NOTCH3: variants seen among roughly 807,000 people sequenced by gnomAD.
NOTCH3 encodes neurogenic locus notch homolog protein 3.
Under a neutral mutation model 213.3 loss-of-function variants are expected in NOTCH3, and 86 were observed. The ratio of observed to expected loss-of-function variants is 0.40; its 90% CI spans 0.34 to 0.48. The LOEUF is 0.48. NOTCH3 is among the 20% of genes least tolerant of loss of function. The pLI, the probability that NOTCH3 is intolerant of heterozygous loss-of-function variation, is 0.57. For missense variants in NOTCH3, 2,783 were observed against 3,272.6 expected (o/e 0.85, Z 3.65); for synonymous variants, 1,354 against 1,355.9 (o/e 1.00, Z 0.03).
chr19:15,186,375 TTGTATG>T lies in NOTCH3; in HGVS notation c.1951+497_1951+502del, dbSNP rs1294134155. 4.0e-3 allele frequency among the ~76,000 whole-genome samples: 496 copies of T among 123,314 alleles called. 1 individual carries two copies. Among genetic ancestry groups the T allele is most frequent in the East Asian group, 0.011 (50 of 4,366 alleles). The allele number at this position is 123,314 out of a possible 152,430, so 80.9% of individuals were successfully genotyped here. A position where few individuals can be genotyped will look rare whatever the true frequency, so the allele number is the denominator to read the frequency against. ...TCCAGAATAATCTTTTTGTTTGTTT[TTGTATG>T]TGTGTGTGTGTGTGTGTGTGTGTGT... On this transcript the variant is annotated intron_variant, in intron 12 of 32. Coordinates refer to ENST00000263388, the MANE Select transcript of NOTCH3 (RefSeq NM_000435.3).
At position 15,160,221 on chromosome 19, in the gene NOTCH3, G is replaced by A. The variant is rs2046628127; in HGVS notation, c.*441C>T. The A allele has an allele frequency of 4.1e-6, 1 of 241,644 alleles. No individual in the cohort carries two copies. The highest frequency in any genetic ancestry group is 2.2e-5 in the African/African-American group (1 of 45,342). 15.0% of individuals were successfully genotyped at this position (241,644 alleles called of 1,614,324 possible). On this transcript the variant is annotated 3_prime_UTR_variant, in exon 33 of 33. Coordinates refer to ENST00000263388, the MANE Select transcript of NOTCH3 (RefSeq NM_000435.3). ...CCACGGGGGCACTGGGGGGTTCACA[G>A]GGGGAGGGAGCATCTCCATATATAT...
At chr19:15,162,824 G>A (rs980180200) in intron 31 of NOTCH3, among the ~76,000 whole-genome samples, 5 of 151,660 alleles carry the variant, frequency 3.3e-5, no homozygotes, top group African/African-American at 1.2e-4. Flanking sequence ...TATACACAGG[G>A]GGTGCTGTGT....
At position 15,181,814 on chromosome 19, in the gene NOTCH3, G is replaced by C; in HGVS notation, c.2567-13C>G. On this transcript the variant is annotated splice_polypyrimidine_tract_variant and intron_variant, in intron 16 of 32. Transcript: ENST00000263388. The stretch of plus-strand genomic sequence containing the variant: ...TTCAGGCATGGGTCTGCGGACAGGA[G>C]GAAGGCGGTCTGGTCACCTACCTTG... The C allele has an allele frequency of 6.5e-7, 1 of 1,549,486 alleles. No individual in the cohort carries two copies. Among genetic ancestry groups the C allele is most frequent in the Middle Eastern group, 1.7e-4 (1 of 5,994 alleles).
At chr19:15,175,707 AG>A (rs2046784745) in intron 24 of NOTCH3, among the ~76,000 whole-genome samples, 1 of 151,012 alleles carries the variant, frequency 6.6e-6, no homozygotes, top group Non-Finnish European at 1.5e-5. Flanking sequence ...GTGCTCACTG[AG>A]AAGGTACCAC....
intron 1 of NOTCH3, among the ~76,000 whole-genome samples, chr19:15,200,004 G>A (rs938089022): frequency 6.6e-6 from 1 of 151,850 alleles, no homozygotes; most frequent in African/African-American, 2.4e-5. Flanking sequence ...GTGTCTAGAC[G>A]GCGCGGCCAT....
Position 15,180,952 on chromosome 19 carries a change from T to G in NOTCH3, c.2994+9A>C, listed in dbSNP as rs768762195. ...GCTCCTCCCCCAGGTCCCCAGTAAC[T>G]CCACCCACCTGGCACTGCGGGCCCG... On this transcript the variant is annotated intron_variant, in intron 18 of 32. Transcript: ENST00000263388. The G allele has an allele frequency of 1.3e-6, 2 of 1,587,646 alleles. No individual in the cohort carries two copies. Among genetic ancestry groups the G allele is most frequent in the East Asian group, 4.6e-5 (2 of 43,346 alleles).
intron 2 of NOTCH3, among the ~76,000 whole-genome samples, chr19:15,193,535 G>A (rs1010345878): frequency 2.0e-5 from 3 of 152,014 alleles, no homozygotes; most frequent in Non-Finnish European, 4.4e-5. Context: ...GGGAGGTCAA[G>A]ACAGGATAAT....
In NOTCH3 at chr19:15,185,577, G is replaced by A. The variant is rs768867865; in HGVS notation, c.2054C>T (p.Pro685Leu). 45 of 1,613,578 alleles carry A rather than the reference G, an allele frequency of 2.8e-5. No individual in the cohort carries two copies. Among genetic ancestry groups the A allele is most frequent in the Non-Finnish European group, 3.6e-5 (42 of 1,180,008 alleles). ...GAGGCAGAGTGGGGGCAAGGAGCCAGGCGGGCAGAGGCAGCGGAAGCCATT... is the reference window on the plus strand; with the variant it reads ...GAGGCAGAGTGGGGGCAAGGAGCCAAGCGGGCAGAGGCAGCGGAAGCCATT... ...GENGFRCLCPPGSLPPLCLPP... is the reference protein window; with the variant it reads ...GENGFRCLCPLGSLPPLCLPP... The change falls in exon 13 of 33, where the codon CCT becomes CTT. Residue 685 changes from proline to leucine, a missense_variant. Pro to Leu is a moderately conservative substitution (Grantham distance 98). Transcript: ENST00000263388. The surrounding 1 kb of genome is among the most constrained non-coding windows in gnomAD (Gnocchi z 4.2).
chr19:15,170,197 T>C, intron 27 of NOTCH3, 27 bp from the exon 28 acceptor site: 1 of 1,559,190 alleles, frequency 6.4e-7, no homozygotes, highest in Non-Finnish European at 8.8e-7. Flanking sequence ...AGAGGGGATG[T>C]GAGGGGGACA....
chr19:15,167,028 T>C (rs1380140380), intron 29 of NOTCH3, among the ~76,000 whole-genome samples: 1 of 152,190 alleles, frequency 6.6e-6, no homozygotes, highest in Non-Finnish European at 1.5e-5. Flanking sequence ...TGGATCCAAA[T>C]GTGCCACTTT....
intron 7 of NOTCH3, 30 bp from the exon 8 acceptor site, chr19:15,189,204 G>A (rs750664755): frequency 9.9e-6 from 16 of 1,613,070 alleles, no homozygotes; most frequent in African/African-American, 1.3e-5. Context: ...CGGTGTGGGC[G>A]TGGCTGGCCG....
intron 16 of NOTCH3, among the ~76,000 whole-genome samples, chr19:15,183,411 C>G (rs57188471): frequency 5.8e-5 from 1 of 17,158 alleles, no homozygotes; most frequent in Admixed American, 3.7e-4. Flanking sequence ...TTTGTTTGTT[C>G]GTTTTTGAGA....
chr19:15,177,718 C>T lies in NOTCH3; in HGVS notation c.4210G>A (p.Glu1404Lys), dbSNP rs1356717333. ...CAGCCGCAGCCTGGGCTGTTGCACT[C>T]GCGGTCGCAGCGCTGGTCCCCGCGC... ...AKRGDQRCDR[E>K]CNSPGCGWDG... is the part of the protein sequence containing the mutation. The change falls in exon 24 of 33, where the codon GAG becomes AAG. Residue 1404 changes from glutamate to lysine, a missense_variant. Around this residue, in one of 6 missense-constraint regions of NOTCH3, gnomAD observed 133 missense variants for 201.9 expected, o/e 0.66. Coordinates refer to ENST00000263388, the MANE Select transcript of NOTCH3 (RefSeq NM_000435.3). 1.3e-6 allele frequency: 2 copies of T among 1,532,256 alleles called. No individual in the cohort carries two copies. The highest frequency in any genetic ancestry group is 1.7e-6 in the Non-Finnish European group (2 of 1,146,024). 94.9% of individuals were successfully genotyped at this position (1,532,256 alleles called of 1,614,324 possible).
intron 2 of NOTCH3, among the ~76,000 whole-genome samples, chr19:15,194,912 G>C (rs1453264300): frequency 6.8e-6 from 1 of 147,790 alleles, no homozygotes; most frequent in Non-Finnish European, 1.5e-5. Flanking sequence ...AGCCAAGATC[G>C]AGCCACTGCA....
chr19:15,197,450 C>CCCCCCCCCCCCCA, intron 2 of NOTCH3, 50 bp downstream of exon 2: 1 of 890,776 alleles, frequency 1.1e-6, no homozygotes, highest in Non-Finnish European at 1.9e-6. Context: ...CGCCCCTCCC[C>CCCCCCCCCCCCCA]CCCGCCCCCA....
At chr19:15,196,486 T>C (rs1179836196) in intron 2 of NOTCH3, among the ~76,000 whole-genome samples, 2 of 151,996 alleles carry the variant, frequency 1.3e-5, no homozygotes, top group East Asian at 1.9e-4. Context: ...TGGTCTAAAA[T>C]CACCCCAGAC....
intron 23 of NOTCH3, 54 bp from the exon 24 acceptor site, chr19:15,178,144 G>T: frequency 9.0e-7 from 1 of 1,107,840 alleles, no homozygotes; most frequent in Non-Finnish European, 1.3e-6. Context: ...GGAGTGGAGG[G>T]AAGGAGGAGA....
At chr19:15,161,987 T>C (rs1275140968) in intron 32 of NOTCH3, among the ~76,000 whole-genome samples, 5 of 143,912 alleles carry the variant, frequency 3.5e-5, no homozygotes, top group African/African-American at 5.1e-5. Context: ...CTTGTCTTTT[T>C]TTTTTTTTTT....
In NOTCH3 at chr19:15,180,134, A is replaced by G. The variant is rs1304143329; in HGVS notation, c.3265T>C (p.Leu1089=). 1.9e-6 allele frequency: 3 copies of G among 1,613,336 alleles called. No homozygotes were observed. Among genetic ancestry groups the G allele is most frequent in the Non-Finnish European group, 2.5e-6 (3 of 1,179,916 alleles). The change falls in exon 20 of 33, where the codon TTG becomes CTG. Residue 1089 remains leucine (L), a synonymous_variant. Coordinates refer to ENST00000263388, the MANE Select transcript of NOTCH3 (RefSeq NM_000435.3). ...CCCCCATGCTGGCAGGGCTGGGCCA[A>G]GCAGGGGTCCACCTCCTGCTCACAG... is the stretch of plus-strand genomic sequence containing the variant. ...SHCEQEVDPC[L]AQPCQHGGTC... is the part of the protein sequence containing the mutation.
Sources: gnomAD v4.1 joint callset for allele counts (sites outside exome capture counted in the v4.1 genomes callset) on GRCh38, gnomAD v4.1.1 for gene constraint, gnomAD v4.1.1 regional missense constraint, Gnocchi (gnomAD v3.1) non-coding constraint, MANE v1.5 for transcripts, NCBI Gene and HGNC (gene_info 2026-07-23, HGNC 2026-07-21) for gene names.